NOTCH2: variants seen among roughly 807,000 people sequenced by gnomAD.
NOTCH2 encodes notch receptor 2.
Under a neutral mutation model 235.8 loss-of-function variants are expected in NOTCH2, and 29 were observed. The observed-to-expected ratio is 0.12, with a 90% confidence interval of 0.09 to 0.17. The LOEUF (loss-of-function observed/expected upper bound fraction) is 0.17, where lower values mean the gene tolerates loss of function less well. Ranked by LOEUF, NOTCH2 falls within the 10% of genes least tolerant of loss-of-function variation. The probability of loss-of-function intolerance (pLI) is 1.00; values close to 1 mark genes in which losing one functional copy is unlikely to be tolerated. For missense variants in NOTCH2, 2,285 were observed against 3,150.2 expected (o/e 0.73, Z 6.57); for synonymous variants, 1,086 against 1,141.5 (o/e 0.95, Z 0.98).
At chr1:119,924,028 G>T in intron 25 of NOTCH2, 44 bp from the exon 26 acceptor site, 1 of 1,474,404 alleles carries the variant, frequency 6.8e-7, no homozygotes, top group South Asian at 1.2e-5. Flanking sequence ...GCTCAGATTA[G>T]ACTGGAGCTC....
At chr1:119,938,625 C>T (rs1368680423) in intron 19 of NOTCH2, among the ~76,000 whole-genome samples, 1 of 152,176 alleles carries the variant, frequency 6.6e-6, no homozygotes, top group East Asian at 1.9e-4. Flanking sequence ...TATTGTTGTG[C>T]ACTCATATGA....
At chr1:119,952,584 T>G (rs1224710281) in intron 14 of NOTCH2, among the ~76,000 whole-genome samples, 2 of 152,084 alleles carry the variant, frequency 1.3e-5, no homozygotes, top group African/African-American at 2.4e-5. Context: ...CGCAGTCCTA[T>G]GAGAATCTAA....
At chr1:119,918,053 T>C (rs958807396) in intron 32 of NOTCH2, among the ~76,000 whole-genome samples, 1 of 152,158 alleles carries the variant, frequency 6.6e-6, no homozygotes, top group Non-Finnish European at 1.5e-5. Context: ...TAAAAACCTA[T>C]ATATTACATG....
chr1:119,942,386 T>G (rs1258792531), intron 17 of NOTCH2, among the ~76,000 whole-genome samples: 1 of 152,244 alleles, frequency 6.6e-6, no homozygotes, highest in Non-Finnish European at 1.5e-5. Context: ...AAAAATAAGC[T>G]GTAGCTATGG....
At chr1:120,022,965 C>A (rs1452296758) in intron 2 of NOTCH2, among the ~76,000 whole-genome samples, 2 of 144,216 alleles carry the variant, frequency 1.4e-5, no homozygotes, top group Admixed American at 7.0e-5. Flanking sequence ...TATTTAACTT[C>A]TCTTAGCTTC....
chr1:119,981,498 G>A (rs1437510909), intron 5 of NOTCH2, among the ~76,000 whole-genome samples: 2 of 152,070 alleles, frequency 1.3e-5, no homozygotes, highest in Non-Finnish European at 2.9e-5. Flanking sequence ...ACTAACAACC[G>A]TTCCATGGGG....
chr1:119,978,075 A>C (rs1454232206), intron 5 of NOTCH2, among the ~76,000 whole-genome samples: 11 of 152,144 alleles, frequency 7.2e-5, no homozygotes, highest in African/African-American at 2.7e-4. Flanking sequence ...GGGAGAATAG[A>C]GAGGAACTAG....
At chr1:119,938,060 TGAA>T in intron 19 of NOTCH2, 50 bp from the exon 20 acceptor site, 1 of 1,588,856 alleles carries the variant, frequency 6.3e-7, no homozygotes. Flanking sequence ...ATACTAGAAA[TGAA>T]GAAAAGAAGT....
intron 27 of NOTCH2, 52 bp from the exon 28 acceptor site, chr1:119,922,498 A>G (rs1649321545): frequency 1.3e-6 from 2 of 1,592,684 alleles, no homozygotes; most frequent in Admixed American, 1.7e-5. Context: ...TAACCTCTCA[A>G]TGTCAGCATT....
At position 119,966,600 on chromosome 1, in the gene NOTCH2, T is replaced by G; in HGVS notation, c.1454-111A>C. On this transcript the variant is annotated intron_variant, in intron 8 of 33. Transcript: ENST00000256646. ...CATCCTTTGCGAGTACACACATTTC[T>G]GCAGAGAAAAAAGGAACTCTGCCAT... The G allele has an allele frequency of 3.8e-6, 3 of 787,360 alleles. No individual in the cohort carries two copies. The South Asian group carries it at 4.1e-5, about 11-fold the overall frequency. The allele number at this position is 787,360 out of a possible 1,614,324, so 48.8% of individuals were successfully genotyped here. A position where few individuals can be genotyped will look rare whatever the true frequency, so the allele number is the denominator to read the frequency against.
At chr1:119,999,960 AAAGAAAGAAAGAAAGAAAGG>A (rs1467894361) in intron 3 of NOTCH2, among the ~76,000 whole-genome samples, 360 of 131,442 alleles carry the variant, frequency 2.7e-3, no homozygotes, top group Admixed American at 5.8e-3. Context: ...AGAAAGAAAG[AAAGAAAGAAAGAAAGAAAGG>A]AAGGAAGGAA....
At chr1:119,982,469 T>A (rs1174905466) in intron 5 of NOTCH2, among the ~76,000 whole-genome samples, 1 of 152,176 alleles carries the variant, frequency 6.6e-6, no homozygotes, top group Non-Finnish European at 1.5e-5. Flanking sequence ...AAAAGAAAAT[T>A]CAAATAACAG....
At chr1:119,953,311 G>GT (rs1231503842) in intron 14 of NOTCH2, among the ~76,000 whole-genome samples, 1 of 150,090 alleles carries the variant, frequency 6.7e-6, no homozygotes, top group Non-Finnish European at 1.5e-5. Context: ...AAAACTCTGT[G>GT]TCAAAAAAAA....
intron 10 of NOTCH2, among the ~76,000 whole-genome samples, 153 bp downstream of exon 10, chr1:119,965,300 A>G (rs1281455041): frequency 3.3e-5 from 5 of 152,248 alleles, no homozygotes; most frequent in Non-Finnish European, 7.3e-5. Flanking sequence ...AAAAGAGAGC[A>G]GCAAAAAATT....
rs782432322 is a variant in NOTCH2, at chr1:119,937,348, C to T, written c.3456G>A (p.Glu1152=). 1 of 1,614,032 alleles carries T rather than the reference C, an allele frequency of 6.2e-7. No individual in the cohort carries two copies. Among genetic ancestry groups the T allele is most frequent in the Non-Finnish European group, 8.5e-7 (1 of 1,180,058 alleles). ...CGTGCTGGCAGGGGTTGGACGCACA[C>T]TCATCGAGTTGCTCCTCACAGTAGC... ...TGSYCEEQLD[E]CASNPCQHGA... Residue 1152 remains glutamate, a synonymous_variant, in exon 21 of 34, where the codon GAG becomes GAA. Coordinates refer to ENST00000256646, the MANE Select transcript of NOTCH2 (RefSeq NM_024408.4).
At chr1:120,033,410 C>CAAAAAAAAAAAA (rs1221514390) in intron 1 of NOTCH2, among the ~76,000 whole-genome samples, 2 of 11,234 alleles carry the variant, frequency 1.8e-4, no homozygotes, top group Admixed American at 1.9e-3. Context: ...GACTCCATCT[C>CAAAAAAAAAAAA]AAAAAAAAAA....
intron 5 of NOTCH2, among the ~76,000 whole-genome samples, chr1:119,984,363 T>A (rs1406671016): frequency 1.3e-5 from 2 of 152,158 alleles, no homozygotes; most frequent in Non-Finnish European, 2.9e-5. Context: ...CCACTACGGG[T>A]CTTGGGCAAA....
At chr1:120,002,497 T>G (rs11808608) in intron 3 of NOTCH2, among the ~76,000 whole-genome samples, 9,518 of 151,552 alleles carry the variant, frequency 0.063, 857 homozygotes, top group African/African-American at 0.22. Context: ...TGGTCCCACC[T>G]GGATGAATGA....
In NOTCH2 at chr1:119,912,829, T is replaced by A. The variant is rs907528212; in HGVS notation, c.*2477A>T. ...AAATCTAAGAGATCAGTAAAAAGTT[T>A]GAAAGGCAGTGTTGTCCTCCTCATC... On this transcript the variant is annotated 3_prime_UTR_variant, in exon 34 of 34. Transcript: ENST00000256646. 2 of 233,504 alleles carry A rather than the reference T, an allele frequency of 8.6e-6. No homozygotes were observed. Among genetic ancestry groups the A allele is most frequent in the African/African-American group, 4.4e-5 (2 of 45,356 alleles). The allele number at this position is 233,504 out of a possible 1,614,324, so 14.5% of individuals were successfully genotyped here.
Sources: allele counts gnomAD v4.1 joint callset (sites outside exome capture counted in the v4.1 genomes callset), GRCh38; gene constraint gnomAD v4.1.1; transcripts MANE v1.5; gene names NCBI Gene and HGNC (gene_info 2026-07-23, HGNC 2026-07-21).